ATP10B: variants seen among roughly 807,000 people sequenced by gnomAD.
ATP10B encodes the protein phospholipid-transporting ATPase VB.
Under a neutral mutation model 141.2 loss-of-function variants are expected in ATP10B, and 122 were observed. That is an observed-to-expected ratio of 0.86 (90% CI 0.75 to 1.00). ATP10B has a LOEUF of 1.00. ATP10B is among the 50% of genes least tolerant of loss of function. The pLI is 0.00. For missense variants in ATP10B, 1,876 were observed against 1,825.3 expected, an observed-to-expected ratio of 1.03 and a Z score of -0.51; for synonymous variants, 685 against 692.0, an observed-to-expected ratio of 0.99 and a Z score of 0.16.
the ATP10B span, among the ~76,000 whole-genome samples, chr5:160,910,280 T>G: frequency 6.6e-5 from 10 of 152,212 alleles, no homozygotes; most frequent in Non-Finnish European, 1.5e-4. Flanking sequence ...TTGATTCTCT[T>G]AGCTAAAGCA....
chr5:160,753,831 C>A (rs1768329912), intron 2 of ATP10B, among the ~76,000 whole-genome samples: 2 of 152,120 alleles, frequency 1.3e-5, no homozygotes, highest in African/African-American at 4.8e-5. Flanking sequence ...ATTTTGTAGA[C>A]AAGAAAACTG....
At chr5:160,702,263 T>C (rs1764726469) in intron 3 of ATP10B, among the ~76,000 whole-genome samples, 2 of 152,234 alleles carry the variant, frequency 1.3e-5, no homozygotes, top group South Asian at 4.1e-4. Context: ...ATGAGGTAAA[T>C]TGGGCTTGTA....
chr5:160,876,269 C>A, the ATP10B span, among the ~76,000 whole-genome samples: 6 of 44,284 alleles, frequency 1.4e-4, no homozygotes, highest in African/African-American at 3.0e-4. Flanking sequence ...ACTGAACAAC[C>A]TGCTCCTGAA....
the ATP10B span, among the ~76,000 whole-genome samples, chr5:160,872,234 ATTAT>A: frequency 6.6e-6 from 1 of 151,468 alleles, no homozygotes; most frequent in Non-Finnish European, 1.5e-5. Context: ...TTCTGATGGG[ATTAT>A]TTATTTGCTT....
At chr5:160,885,773 G>T in the ATP10B span, among the ~76,000 whole-genome samples, 28 of 152,180 alleles carry the variant, frequency 1.8e-4, 1 homozygote, top group Admixed American at 1.3e-3. Context: ...ATAAGCTATT[G>T]AAGAAAATAT....
At chr5:160,583,052 A>G (rs181815703) in intron 24 of ATP10B, among the ~76,000 whole-genome samples, 729 of 152,078 alleles carry the variant, frequency 4.8e-3, no homozygotes, top group Non-Finnish European at 8.3e-3. Flanking sequence ...GGTGTTTGTT[A>G]TTACCCACCT....
chr5:160,653,726 T>C (rs1289847273), intron 7 of ATP10B, among the ~76,000 whole-genome samples: 4 of 118,422 alleles, frequency 3.4e-5, no homozygotes, highest in Admixed American at 1.0e-4. Context: ...TATACATATA[T>C]ATTATATATA....
At chr5:160,909,750 T>C in the ATP10B span, among the ~76,000 whole-genome samples, 3 of 152,212 alleles carry the variant, frequency 2.0e-5, no homozygotes, top group African/African-American at 7.2e-5. Context: ...GATAACGTAT[T>C]TATCTCTAAT....
At chr5:160,663,651 AGC>A (rs1561721097) in intron 7 of ATP10B, among the ~76,000 whole-genome samples, 2 of 80,098 alleles carry the variant, frequency 2.5e-5, no homozygotes, top group African/African-American at 7.4e-5. Flanking sequence ...GGGTGGGGAG[AGC>A]GGGGAGGGAT....
intron 2 of ATP10B, among the ~76,000 whole-genome samples, chr5:160,730,862 T>C (rs1766690064): frequency 6.6e-6 from 1 of 152,046 alleles, no homozygotes; most frequent in South Asian, 2.1e-4. Context: ...AGACCCAGAG[T>C]TGGTGGGAAG....
intron 1 of ATP10B, among the ~76,000 whole-genome samples, chr5:160,843,884 A>G (rs1446199508): frequency 6.6e-6 from 1 of 151,998 alleles, no homozygotes; most frequent in East Asian, 1.9e-4. Flanking sequence ...TTAGCTTTAA[A>G]ATTTTATACT....
chr5:160,627,125 C>T (rs1453808599), intron 13 of ATP10B, among the ~76,000 whole-genome samples: 1 of 152,172 alleles, frequency 6.6e-6, no homozygotes, highest in East Asian at 1.9e-4. Context: ...CCACTCCTCA[C>T]TAGGTGGTCT....
chr5:160,652,892 TATA>T (rs1760912861), intron 7 of ATP10B, among the ~76,000 whole-genome samples: 3 of 67,996 alleles, frequency 4.4e-5, no homozygotes, highest in Non-Finnish European at 7.5e-5. Context: ...TATATAATTA[TATA>T]ATATATTATA....
the ATP10B span, among the ~76,000 whole-genome samples, chr5:160,891,544 C>A: frequency 2.0e-5 from 3 of 152,198 alleles, no homozygotes; most frequent in Non-Finnish European, 2.9e-5. Flanking sequence ...CAATCTCCAC[C>A]TCCCAGGTTC....
At chr5:160,703,428 T>C (rs1241553715) in intron 3 of ATP10B, among the ~76,000 whole-genome samples, 6 of 152,112 alleles carry the variant, frequency 3.9e-5, no homozygotes, top group Non-Finnish European at 8.8e-5. Context: ...TCTGAGCTTA[T>C]AAAAATAGTC....
intron 1 of ATP10B, among the ~76,000 whole-genome samples, chr5:160,838,991 G>A (rs185076430): frequency 3.9e-5 from 6 of 152,244 alleles, no homozygotes; most frequent in African/African-American, 1.4e-4. Flanking sequence ...TGCCATGTGA[G>A]GTGCAAGCTC....
chr5:160,667,823 A>G (rs1165579318), intron 7 of ATP10B, among the ~76,000 whole-genome samples: 2 of 152,182 alleles, frequency 1.3e-5, no homozygotes, highest in African/African-American at 4.8e-5. Context: ...TTGAACTGAA[A>G]CAACACTGAA....
intron 2 of ATP10B, among the ~76,000 whole-genome samples, chr5:160,785,189 G>A (rs1282121945): frequency 1.3e-5 from 2 of 151,968 alleles, no homozygotes; most frequent in Non-Finnish European, 2.9e-5. Flanking sequence ...TCTTACCTTG[G>A]GACTTCTTAT....
chr5:160,706,217 T>A (rs1426087657), intron 3 of ATP10B, among the ~76,000 whole-genome samples: 1 of 152,198 alleles, frequency 6.6e-6, no homozygotes, highest in East Asian at 1.9e-4. Flanking sequence ...ATACCCAGAA[T>A]GTGACCCAGA....
Sources: gnomAD v4.1 joint callset for allele counts (sites outside exome capture counted in the v4.1 genomes callset) on GRCh38, gnomAD v4.1.1 for gene constraint, MANE v1.5 for transcripts, NCBI Gene and HGNC (gene_info 2026-07-23, HGNC 2026-07-21) for gene names.